TRAM2: variants seen among roughly 807,000 people sequenced by gnomAD.
TRAM2 encodes translocation associated membrane protein 2.
A neutral mutation model predicts 51.0 loss-of-function variants in TRAM2; 12 were observed. The observed-to-expected ratio is 0.24, with a 90% confidence interval of 0.15 to 0.38. The LOEUF is 0.38. TRAM2 is among the 10% of genes least tolerant of loss of function. TRAM2 has a pLI of 1.00. For synonymous variants in TRAM2, 175 were observed against 179.4 expected, an observed-to-expected ratio of 0.98 and a Z score of 0.20; for missense variants, 361 against 462.0, an observed-to-expected ratio of 0.78 and a Z score of 2.00.
intron 1 of TRAM2, among the ~76,000 whole-genome samples, chr6:52,539,851 C>T (rs185847184): frequency 2.2e-4 from 33 of 152,278 alleles, no homozygotes; most frequent in Admixed American, 2.0e-3. Flanking sequence ...TTCTCTCTCT[C>T]GGTCTGTCCC....
chr6:52,544,408 A>T (rs1052173018), intron 1 of TRAM2, among the ~76,000 whole-genome samples: 2 of 152,208 alleles, frequency 1.3e-5, no homozygotes, highest in African/African-American at 4.8e-5. Context: ...GAGGGGTCCC[A>T]AGGAGTTGGC....
chr6:52,540,435 G>A (rs1278621272), intron 1 of TRAM2, among the ~76,000 whole-genome samples: 4 of 152,180 alleles, frequency 2.6e-5, no homozygotes, highest in Admixed American at 1.3e-4. Context: ...CCTACTCATT[G>A]GCTAAAGGTG....
intron 1 of TRAM2, among the ~76,000 whole-genome samples, chr6:52,559,155 T>A (rs921921231): frequency 6.6e-6 from 1 of 152,160 alleles, no homozygotes; most frequent in African/African-American, 2.4e-5. Context: ...AAAGGGGGCA[T>A]GGTAGAAAGA....
At chr6:52,545,327 C>A (rs1767179665) in intron 1 of TRAM2, among the ~76,000 whole-genome samples, 1 of 152,188 alleles carries the variant, frequency 6.6e-6, no homozygotes, top group South Asian at 2.1e-4. Flanking sequence ...GTCCAGGAGG[C>A]CAGGTGTCCC....
intron 1 of TRAM2, among the ~76,000 whole-genome samples, chr6:52,570,952 G>A (rs921558703): frequency 2.0e-5 from 3 of 152,102 alleles, no homozygotes; most frequent in African/African-American, 7.2e-5. Context: ...CCTCTACTAT[G>A]GGACATCTGA....
intron 9 of TRAM2, 35 bp from the exon 10 acceptor site, chr6:52,504,789 C>G (rs955640630): frequency 9.0e-6 from 14 of 1,557,240 alleles, no homozygotes; most frequent in Non-Finnish European, 1.2e-5. Context: ...TAGGCTGGGG[C>G]TTGGGCTCAC....
chr6:52,503,670 C>T (rs1766284473), intron 10 of TRAM2, among the ~76,000 whole-genome samples: 1 of 152,198 alleles, frequency 6.6e-6, no homozygotes, highest in Non-Finnish European at 1.5e-5. Flanking sequence ...CCCTGCAAGG[C>T]ATCAGCCCAC....
chr6:52,519,688 T>C (rs185331315), intron 2 of TRAM2, among the ~76,000 whole-genome samples: 87 of 152,138 alleles, frequency 5.7e-4, no homozygotes, highest in Non-Finnish European at 6.2e-4. Context: ...TATTTGTACA[T>C]CCATGTCCAT....
intron 1 of TRAM2, among the ~76,000 whole-genome samples, chr6:52,538,914 AG>A (rs1441291804): frequency 6.6e-6 from 1 of 152,250 alleles, no homozygotes; most frequent in African/African-American, 2.4e-5. Context: ...ATACAGGGTT[AG>A]GTTCCTGCAA....
chr6:52,520,744 A>G (rs1261913667), intron 2 of TRAM2, among the ~76,000 whole-genome samples: 1 of 152,150 alleles, frequency 6.6e-6, no homozygotes, highest in African/African-American at 2.4e-5. Context: ...CAAGGTCAAC[A>G]CAGCCCCCCA....
At chr6:52,566,684 C>T (rs144720007) in intron 1 of TRAM2, among the ~76,000 whole-genome samples, 241 of 152,322 alleles carry the variant, frequency 1.6e-3, no homozygotes, top group African/African-American at 5.5e-3. Flanking sequence ...CCTATGACAC[C>T]AGTGTGCTGA....
At chr6:52,566,966 C>T (rs1322025056) in intron 1 of TRAM2, among the ~76,000 whole-genome samples, 2 of 152,216 alleles carry the variant, frequency 1.3e-5, no homozygotes, top group African/African-American at 4.8e-5. Flanking sequence ...TTATCTATCT[C>T]CCTTATGAGA....
intron 1 of TRAM2, among the ~76,000 whole-genome samples, chr6:52,570,992 T>G (rs886176303): frequency 2.0e-5 from 3 of 151,990 alleles, no homozygotes; most frequent in African/African-American, 7.3e-5. Context: ...GTCTAAGTAA[T>G]AGAATGTATA....
intron 1 of TRAM2, among the ~76,000 whole-genome samples, chr6:52,559,369 C>T (rs756902342): frequency 3.9e-5 from 6 of 152,186 alleles, no homozygotes; most frequent in Admixed American, 2.0e-4. Context: ...CCTCCATCTC[C>T]TTCTCTTTAA....
chr6:52,516,251 G>A, intron 3 of TRAM2, 129 bp from the exon 4 acceptor site: 1 of 842,152 alleles, frequency 1.2e-6, no homozygotes, highest in Non-Finnish European at 1.9e-6. Flanking sequence ...CATAATCCAA[G>A]TCATTTGGTG....
At chr6:52,571,344 G>A (rs1050996729) in intron 1 of TRAM2, among the ~76,000 whole-genome samples, 2 of 152,236 alleles carry the variant, frequency 1.3e-5, no homozygotes, top group Non-Finnish European at 1.5e-5. Context: ...AGATCAAAAA[G>A]GAGCTCATGC....
intron 9 of TRAM2, among the ~76,000 whole-genome samples, 194 bp from the exon 10 acceptor site, chr6:52,504,948 A>G (rs1012326561): frequency 1.3e-5 from 2 of 152,216 alleles, no homozygotes; most frequent in Admixed American, 6.5e-5. Flanking sequence ...CTGCTCCAGC[A>G]TACATCACAT....
chr6:52,535,907 G>C, intron 1 of TRAM2, 61 bp from the exon 2 acceptor site: 2 of 1,466,778 alleles, frequency 1.4e-6, no homozygotes, highest in East Asian at 2.3e-5. Flanking sequence ...GAAACAAGTG[G>C]AAGCTGCTAA....
At chr6:52,575,234 C>T (rs565656962) in intron 1 of TRAM2, among the ~76,000 whole-genome samples, 1 of 152,198 alleles carries the variant, frequency 6.6e-6, no homozygotes, top group Non-Finnish European at 1.5e-5. Flanking sequence ...GTTTTATGAA[C>T]GTCTTTAATG....
Sources: gnomAD v4.1 joint callset for allele counts (sites outside exome capture counted in the v4.1 genomes callset) on GRCh38, gnomAD v4.1.1 for gene constraint, MANE v1.5 for transcripts, NCBI Gene and HGNC (gene_info 2026-07-23, HGNC 2026-07-21) for gene names.